ACACB: variants seen among roughly 807,000 people sequenced by gnomAD.
The protein encoded by ACACB is acetyl-CoA carboxylase 2.
In ACACB, 209 loss-of-function variants were observed where a neutral mutation model predicts 278.8. The ratio of observed to expected loss-of-function variants is 0.75; its 90% CI spans 0.67 to 0.84. The LOEUF is 0.84. Among genes scored for constraint, ACACB ranks in the 40% least tolerant of loss-of-function variants. The probability of loss-of-function intolerance (pLI) is 0.00; values close to 1 mark genes in which losing one functional copy is unlikely to be tolerated. For missense variants in ACACB, 2,850 were observed against 3,269.0 expected (o/e 0.87, Z 3.13); for synonymous variants, 1,174 against 1,285.6 (o/e 0.91, Z 1.86).
At chr12:109,184,706 A>T (rs996048001) in intron 11 of ACACB, among the ~76,000 whole-genome samples, 17 of 139,184 alleles carry the variant, frequency 1.2e-4, no homozygotes, top group East Asian at 6.3e-4. Context: ...TGGCATTAAA[A>T]TTTTTTTTTT....
chr12:109,166,664 A>T (rs1252921296), intron 2 of ACACB, among the ~76,000 whole-genome samples, 197 bp from the exon 3 acceptor site: 1 of 143,878 alleles, frequency 7.0e-6, no homozygotes, highest in Non-Finnish European at 1.5e-5. Context: ...AAAAAAAAAA[A>T]AAAAAAAAAA....
At chr12:109,119,726 G>A (rs2042495022) in intron 1 of ACACB, among the ~76,000 whole-genome samples, 1 of 151,910 alleles carries the variant, frequency 6.6e-6, no homozygotes, top group South Asian at 2.1e-4. Context: ...GCAAAACCCT[G>A]TCTCTACTAA....
intron 11 of ACACB, among the ~76,000 whole-genome samples, chr12:109,180,961 C>G (rs1435053385): frequency 6.6e-6 from 1 of 152,184 alleles, no homozygotes; most frequent in Non-Finnish European, 1.5e-5. Flanking sequence ...TAATCATCCT[C>G]GCTTTCCATG....
At chr12:109,190,234 G>A (rs1292087126) in intron 13 of ACACB, among the ~76,000 whole-genome samples, 4 of 152,156 alleles carry the variant, frequency 2.6e-5, no homozygotes, top group Non-Finnish European at 5.9e-5. Context: ...GACTATAGGC[G>A]CGTCCCACCA....
At chr12:109,136,290 A>T (rs2042965437) in intron 1 of ACACB, among the ~76,000 whole-genome samples, 2 of 152,224 alleles carry the variant, frequency 1.3e-5, no homozygotes, top group Admixed American at 1.3e-4. Context: ...GAATCTTCAA[A>T]CATATTTTTT....
rs754130864 is a variant in ACACB, at chr12:109,212,925, G to A, written c.3339G>A (p.Gln1113=). The change falls in exon 22 of 53, where the codon CAG becomes CAA. Residue 1113 remains glutamine, a synonymous_variant. Coordinates refer to ENST00000338432, the MANE Select transcript of ACACB (RefSeq NM_001093.4). ...VFFINTQSIV[Q]LVQRYRSGIR... ...TCATCAACACCCAGAGCATCGTGCA[G>A]TTGGTCCAGAGGTGAATCCTGGGTC... 1 of 1,614,010 alleles carries A rather than the reference G, an allele frequency of 6.2e-7. No individual in the cohort carries two copies. The highest frequency in any genetic ancestry group is 8.5e-7 in the Non-Finnish European group (1 of 1,179,972).
chr12:109,135,533 A>G (rs768041080), intron 1 of ACACB, among the ~76,000 whole-genome samples: 66 of 151,840 alleles, frequency 4.3e-4, no homozygotes, highest in Middle Eastern at 3.4e-3. Flanking sequence ...ATGAAGTCCA[A>G]TTTACCTATT....
In ACACB at chr12:109,139,578, C is replaced by G. The variant is rs769946341; in HGVS notation, c.173C>G (p.Pro58Arg). 5.6e-6 allele frequency: 9 copies of G among 1,614,054 alleles called. No homozygotes were observed. Among genetic ancestry groups the G allele is most frequent in the Middle Eastern group, 1.6e-4 (1 of 6,062 alleles). The change falls in exon 2 of 53, where the codon CCG (proline) becomes CGG (arginine). Residue 58 changes from proline (P) to arginine (R), a missense_variant. By Grantham distance (103) the Pro-to-Arg change is moderately radical (BLOSUM62 -2). Around this residue, in one of 3 missense-constraint regions of ACACB, gnomAD observed 2,265 missense variants for 2,561.3 expected, o/e 0.88. Coordinates refer to ENST00000338432, the MANE Select transcript of ACACB (RefSeq NM_001093.4). ...GCCTCTGATAACTCAGGGGAGACAC[C>G]GCAGAGAAATGGGGAGGGCCACACT... is the stretch of plus-strand genomic sequence containing the variant. ...FPASDNSGET[P>R]QRNGEGHTLP...
At chr12:109,167,322 C>A in intron 3 of ACACB, 1 of 200,282 alleles carries the variant, frequency 5.0e-6, no homozygotes, top group Non-Finnish European at 1.0e-5. Flanking sequence ...GTGGCTCATG[C>A]CTGTAATCCC....
intron 45 of ACACB, among the ~76,000 whole-genome samples, chr12:109,256,747 C>T (rs2047234829): frequency 6.6e-6 from 1 of 152,174 alleles, no homozygotes; most frequent in Admixed American, 6.5e-5. Context: ...ACCACTCATT[C>T]CTGGTACGAT....
intron 37 of ACACB, among the ~76,000 whole-genome samples, chr12:109,242,897 T>G (rs1593682675): frequency 6.6e-6 from 1 of 151,830 alleles, no homozygotes; most frequent in African/African-American, 2.4e-5. Flanking sequence ...GCCTGGGAGG[T>G]CGAGGCTGCA....
intron 37 of ACACB, among the ~76,000 whole-genome samples, chr12:109,243,241 C>CTA (rs1298899397): frequency 6.6e-6 from 1 of 152,168 alleles, no homozygotes; most frequent in Non-Finnish European, 1.5e-5. Flanking sequence ...CATTCGAAGT[C>CTA]TAGACAGCTG....
chr12:109,216,891 A>G lies in ACACB; in HGVS notation c.3535A>G (p.Lys1179Glu), dbSNP rs1375521964. The change falls in exon 24 of 53, where the codon AAG (lysine) becomes GAG (glutamate). Residue 1179 changes from lysine to glutamate, a missense_variant. By Grantham distance (56) the Lys-to-Glu change is moderately conservative. Transcript: ENST00000338432. Reference sequence around the variant, plus strand: ...CATCTTCTCCCACGCACAGGTGGCCAAGAAGAACCAGCTGGTGATCATGTT... The same window carrying G: ...CATCTTCTCCCACGCACAGGTGGCCGAGAAGAACCAGCTGGTGATCATGTT... ...DCIFSHAQVA[K>E]KNQLVIMLID... 1.2e-6 allele frequency: 2 copies of G among 1,613,914 alleles called. No homozygotes were observed. The highest frequency in any genetic ancestry group is 3.3e-5 in the Admixed American group (2 of 60,020).
chr12:109,196,767 C>T (rs896283792), intron 16 of ACACB, among the ~76,000 whole-genome samples: 1 of 152,160 alleles, frequency 6.6e-6, no homozygotes, highest in Non-Finnish European at 1.5e-5. Flanking sequence ...TTGACAGGGA[C>T]TATATAAGCG....
intron 1 of ACACB, among the ~76,000 whole-genome samples, chr12:109,120,577 G>A (rs1207707383): frequency 6.6e-6 from 1 of 152,204 alleles, no homozygotes; most frequent in Non-Finnish European, 1.5e-5. Context: ...GTGTATGTGT[G>A]TGTGTGTAAA....
Position 109,150,511 on chromosome 12 carries a change from G to A in ACACB, c.653+10453G>A, listed in dbSNP as rs1256546867. Reference sequence around the variant, plus strand: ...AGTGTTCCTTCCCGCCACCATTTACGACCATGTTGGGATCACTGAGGTAAG... The same window carrying A: ...AGTGTTCCTTCCCGCCACCATTTACAACCATGTTGGGATCACTGAGGTAAG... On this transcript the variant is annotated intron_variant, in intron 2 of 52. Coordinates refer to ENST00000338432, the MANE Select transcript of ACACB (RefSeq NM_001093.4). 3.3e-5 allele frequency among the ~76,000 whole-genome samples: 5 copies of A among 152,318 alleles called. No individual in the cohort carries two copies. The South Asian group carries it at 6.2e-4, about 19-fold the overall frequency.
At chr12:109,140,203 C>A in intron 2 of ACACB, 145 bp downstream of exon 2, 1 of 666,362 alleles carries the variant, frequency 1.5e-6, no homozygotes, top group East Asian at 3.2e-5. Context: ...AAGACACGAG[C>A]CTTCTCAGAA....
At chr12:109,184,475 A>G (rs2044585992) in intron 11 of ACACB, among the ~76,000 whole-genome samples, 1 of 152,182 alleles carries the variant, frequency 6.6e-6, no homozygotes. Context: ...TGCAATTATG[A>G]CACTTGAGAA....
intron 1 of ACACB, among the ~76,000 whole-genome samples, chr12:109,133,175 G>A (rs1593372749): frequency 1.3e-5 from 2 of 152,108 alleles, no homozygotes; most frequent in East Asian, 3.8e-4. Flanking sequence ...TGTAAACAAT[G>A]TATTCTCACA....
Sources: allele counts gnomAD v4.1 joint callset (sites outside exome capture counted in the v4.1 genomes callset), GRCh38; gene constraint gnomAD v4.1.1; regional missense constraint gnomAD v4.1.1; transcripts MANE v1.5; gene names NCBI Gene and HGNC (gene_info 2026-07-23, HGNC 2026-07-21).